CACNA1S: variants seen among roughly 807,000 people sequenced by gnomAD.
CACNA1S encodes voltage-dependent L-type calcium channel subunit alpha-1S.
CACNA1S carries 126 observed loss-of-function variants against 207.4 expected under a neutral mutation model. That is an observed-to-expected ratio of 0.61 (90% CI 0.53 to 0.70). CACNA1S has a LOEUF of 0.70. CACNA1S is among the 30% of genes least tolerant of loss of function. The probability of loss-of-function intolerance (pLI) is 0.00; values close to 1 mark genes in which losing one functional copy is unlikely to be tolerated. For synonymous variants in CACNA1S, 960 were observed against 932.7 expected (o/e 1.03, Z -0.53); for missense variants, 2,349 against 2,422.8 (o/e 0.97, Z 0.64).
rs369364636 is a variant in CACNA1S at position 201,076,902 on chromosome 1, C to G, written c.1827+18G>C. On this transcript the variant is annotated intron_variant, in intron 12 of 43. Coordinates refer to ENST00000362061, the MANE Select transcript of CACNA1S (RefSeq NM_000069.3). ...CAGCAACCGTTCAGAAGGAGGGACA[C>G]GCAGAGGGAGAGCCTACCTGGAAGA... 5 of 1,609,748 alleles carry G rather than the reference C, an allele frequency of 3.1e-6. No homozygotes were observed. Among genetic ancestry groups the G allele is most frequent in the East Asian group, 4.5e-5 (2 of 44,866 alleles).
intron 5 of CACNA1S, among the ~76,000 whole-genome samples, chr1:201,090,726 T>C (rs927961880): frequency 6.6e-6 from 1 of 152,170 alleles, no homozygotes; most frequent in Non-Finnish European, 1.5e-5. Flanking sequence ...TGTCTCTCAT[T>C]CTCTCAACAA....
At chr1:201,081,803 C>T (rs1208795642) in intron 10 of CACNA1S, among the ~76,000 whole-genome samples, 1 of 152,158 alleles carries the variant, frequency 6.6e-6, no homozygotes, top group Non-Finnish European at 1.5e-5. Context: ...CACCACAAAA[C>T]CTGTCATTTA....
intron 28 of CACNA1S, among the ~76,000 whole-genome samples, chr1:201,057,310 A>G (rs1005294156): frequency 6.6e-6 from 1 of 152,222 alleles, no homozygotes; most frequent in Non-Finnish European, 1.5e-5. Flanking sequence ...GTGTTCTGCC[A>G]ACACTCTGGC....
chr1:201,058,552 G>T, intron 27 of CACNA1S, 61 bp from the exon 28 acceptor site: 1 of 1,337,222 alleles, frequency 7.5e-7, no homozygotes, highest in Non-Finnish European at 1.1e-6. Flanking sequence ...AGCTCTGGCT[G>T]CTGGCAGAGG....
chr1:201,048,452 C>A, intron 36 of CACNA1S, 130 bp downstream of exon 36: 5 of 796,012 alleles, frequency 6.3e-6, no homozygotes, highest in Non-Finnish European at 1.1e-5. Context: ...GTGCCCATGG[C>A]CTGGGGTCCT....
Position 201,112,425 on chromosome 1 carries a change from C to G in CACNA1S, c.-86G>C. The G allele has an allele frequency of 1.2e-6, 2 of 1,605,818 alleles. No individual in the cohort carries two copies. ...GTCCCCAATGCCCCCGCCTTGGGGACTAGGCTGGCTGAGGCTGTCGGCTGA... is the reference window on the plus strand; with the variant it reads ...GTCCCCAATGCCCCCGCCTTGGGGAGTAGGCTGGCTGAGGCTGTCGGCTGA... On this transcript the variant is annotated 5_prime_UTR_variant, in exon 1 of 44. Transcript: ENST00000362061.
At position 201,044,606 on chromosome 1, in the gene CACNA1S, G is replaced by A. The variant is rs55861132; in HGVS notation, c.4669-150C>T. 120,277 of 831,086 alleles carry A rather than the reference G, an allele frequency of 0.14. 11,071 individuals carry two copies. Among genetic ancestry groups the A allele is most frequent in the African/African-American group, 0.35 (20,232 of 57,536 alleles). 51.5% of individuals were successfully genotyped at this position (831,086 alleles called of 1,614,324 possible). Reference sequence around the variant, plus strand: ...GCTCACTGTAACCTCTGCTTCCCGGGTTCAAGTGATTCTCCTGCCTCAGCC... The same window carrying A: ...GCTCACTGTAACCTCTGCTTCCCGGATTCAAGTGATTCTCCTGCCTCAGCC... On this transcript the variant is annotated intron_variant, in intron 38 of 43. Coordinates refer to ENST00000362061, the MANE Select transcript of CACNA1S (RefSeq NM_000069.3).
At chr1:201,056,570 A>G (rs1660853326) in intron 28 of CACNA1S, among the ~76,000 whole-genome samples, 1 of 152,078 alleles carries the variant, frequency 6.6e-6, no homozygotes, top group African/African-American at 2.4e-5. Flanking sequence ...GTGACATCCC[A>G]CCATGGCTCA....
chr1:201,085,104 C>A (rs549221284), intron 8 of CACNA1S, 73 bp from the exon 9 acceptor site: 1 of 1,038,562 alleles, frequency 9.6e-7, no homozygotes, highest in South Asian at 1.3e-5. Context: ...ACTGGGCACC[C>A]GAGACAAGGG....
intron 6 of CACNA1S, 131 bp from the exon 7 acceptor site, chr1:201,088,060 T>C: frequency 1.4e-6 from 1 of 712,866 alleles, no homozygotes; most frequent in South Asian, 1.5e-5. Context: ...GGGGACATTT[T>C]TCCTAACCTG....
rs77691382 is a variant in CACNA1S at position 201,107,895 on chromosome 1, C to A, written c.258+2269G>T. 2.2e-3 allele frequency among the ~76,000 whole-genome samples: 331 copies of A among 152,234 alleles called. 1 individual carries two copies. Among genetic ancestry groups the A allele is most frequent in the African/African-American group, 7.5e-3 (310 of 41,544 alleles). ...TCATTTCCCATAGAGCTCTGACATGCCAGGTGGCATTTGCTGCTTTGGAAA... is the reference window on the plus strand; with the variant it reads ...TCATTTCCCATAGAGCTCTGACATGACAGGTGGCATTTGCTGCTTTGGAAA... On this transcript the variant is annotated intron_variant, in intron 2 of 43. Transcript: ENST00000362061.
chr1:201,102,149 G>A (rs914130186), intron 2 of CACNA1S, among the ~76,000 whole-genome samples: 6 of 152,198 alleles, frequency 3.9e-5, no homozygotes, highest in Admixed American at 6.5e-5. Context: ...GCACAGGGTG[G>A]CGTGACCTGA....
Position 201,070,360 on chromosome 1 carries a change from G to A in CACNA1S, c.2272C>T (p.Pro758Ser), listed in dbSNP as rs1437935517. ...DEPEIPLSPR[P>S]RPLAELQLKE... ...AGCTGCAGCTCAGCCAGGGGACGTG[G>A]TCGGGGGCTCAGCGGGATCTCAGGC... The change falls in exon 17 of 44, where the codon CCA becomes TCA. Residue 758 changes from proline to serine, a missense_variant. By Grantham distance (74) the Pro-to-Ser change is moderately conservative (BLOSUM62 -1). Coordinates refer to ENST00000362061, the MANE Select transcript of CACNA1S (RefSeq NM_000069.3). 6.2e-7 allele frequency: 1 copy of A among 1,613,990 alleles called. No individual in the cohort carries two copies. Among genetic ancestry groups the A allele is most frequent in the African/African-American group, 1.3e-5 (1 of 74,934 alleles).
chr1:201,084,930 G>A lies in CACNA1S; in HGVS notation c.1232+20C>T, dbSNP rs367572075. 16 of 1,576,944 alleles carry A rather than the reference G, an allele frequency of 1.0e-5. No homozygotes were observed. Among genetic ancestry groups the A allele is most frequent in the Non-Finnish European group, 1.4e-5 (16 of 1,147,694 alleles). On this transcript the variant is annotated intron_variant, in intron 9 of 43. Transcript: ENST00000362061. ...GGAGCTGGGGGTTGGGGGTTCCTGG[G>A]GCAGTGGGCAGATACTCACATGAAC...
At position 201,048,919 on chromosome 1, in the gene CACNA1S, C is replaced by T. The variant is rs1660561327; in HGVS notation, c.4338+84G>A. Reference sequence around the variant, plus strand: ...GAGATCCCGGCTCTACAATGCTTCACTCCATCAGGTCCTCACCAGTTTCCC... The same window carrying T: ...GAGATCCCGGCTCTACAATGCTTCATTCCATCAGGTCCTCACCAGTTTCCC... On this transcript the variant is annotated intron_variant, in intron 35 of 43. Transcript: ENST00000362061. The T allele has an allele frequency of 3.5e-6, 4 of 1,131,086 alleles. No homozygotes were observed. In the Admixed American group the frequency reaches 5.5e-5, roughly 16 times the overall value. The allele number at this position is 1,131,086 out of a possible 1,614,324, so 70.1% of individuals were successfully genotyped here.
In CACNA1S at chr1:201,072,064, T is replaced by C. The variant is rs144458404; in HGVS notation, c.2227+691A>G. Among the ~76,000 whole-genome samples, 1,513 of 152,280 alleles carry C rather than the reference T, an allele frequency of 9.9e-3. 22 individuals are homozygous for C. Among genetic ancestry groups the C allele is most frequent in the African/African-American group, 0.035 (1,446 of 41,552 alleles). On this transcript the variant is annotated intron_variant, in intron 16 of 43. Coordinates refer to ENST00000362061, the MANE Select transcript of CACNA1S (RefSeq NM_000069.3). The stretch of plus-strand genomic sequence containing the variant: ...ATCTAAAATTGCCCCACTGACCCGG[T>C]GATCCGAAGGACCCAGGACCCAGAG...
chr1:201,047,121 C>T lies in CACNA1S; in HGVS notation c.4662G>A (p.Gln1554=). ...YGYRPKKDIV[Q]IQAGLRTIEE... ...ATACCTGGATTGGGCTTACCTGGATCTGTACAATGTCCTTCTTGGGCCGAT... is the reference window on the plus strand; with the variant it reads ...ATACCTGGATTGGGCTTACCTGGATTTGTACAATGTCCTTCTTGGGCCGAT... Residue 1554 remains glutamine, a synonymous_variant, in exon 38 of 44, where the codon CAG becomes CAA. Transcript: ENST00000362061. 6.2e-7 allele frequency: 1 copy of T among 1,614,222 alleles called. No homozygotes were observed. The highest frequency in any genetic ancestry group is 8.5e-7 in the Non-Finnish European group (1 of 1,180,044).
At chr1:201,079,854 C>T (rs558175850) in intron 10 of CACNA1S, among the ~76,000 whole-genome samples, 1 of 152,266 alleles carries the variant, frequency 6.6e-6, no homozygotes, top group East Asian at 1.9e-4. Context: ...CTGCAACATT[C>T]TGTATAGTAA....
Position 201,043,374 on chromosome 1 carries a change from C to G in CACNA1S, c.4955G>C (p.Arg1652Pro). ...VFLEDFPQDP[R>P]TNPLARANTN... is the part of the protein sequence containing the mutation. ...ATTGGCACGAGCCAGGGGGTTGGTG[C>G]GTGGATCTTGTGGGAAGTCCTCCAA... The change falls in exon 40 of 44, where the codon CGC (arginine) becomes CCC (proline). Residue 1652 changes from arginine to proline, a missense_variant. Coordinates refer to ENST00000362061, the MANE Select transcript of CACNA1S (RefSeq NM_000069.3). 6.2e-7 allele frequency: 1 copy of G among 1,614,026 alleles called. No individual in the cohort carries two copies. Among genetic ancestry groups the G allele is most frequent in the Non-Finnish European group, 8.5e-7 (1 of 1,180,004 alleles).
Sources: allele counts gnomAD v4.1 joint callset (sites outside exome capture counted in the v4.1 genomes callset), GRCh38; gene constraint gnomAD v4.1.1; transcripts MANE v1.5; gene names NCBI Gene and HGNC (gene_info 2026-07-23, HGNC 2026-07-21).